Variants in ARHGEF33 observed in about 807,000 individuals in gnomAD.
ARHGEF33 encodes the protein DH and coiled-coil domain-containing protein ENSP00000381780.
Under a neutral mutation model 101.9 loss-of-function variants are expected in ARHGEF33, and 72 were observed. The ratio of observed to expected loss-of-function variants is 0.71; its 90% CI spans 0.58 to 0.86. The LOEUF (loss-of-function observed/expected upper bound fraction) is 0.86, where lower values mean the gene tolerates loss of function less well. ARHGEF33 is among the 40% of genes least tolerant of loss of function. ARHGEF33 has a pLI of 0.00. For synonymous variants in ARHGEF33, 499 were observed against 442.5 expected, an observed-to-expected ratio of 1.13 and a Z score of -1.60; for missense variants, 1,169 against 1,111.3, an observed-to-expected ratio of 1.05 and a Z score of -0.74.
rs931872206 is a variant in ARHGEF33, at chr2:38,907,286, G to A, written c.-86+11437G>A. Among the ~76,000 whole-genome samples, 5 of 152,254 alleles carry A rather than the reference G, an allele frequency of 3.3e-5. No homozygotes were observed. The South Asian group carries it at 1.0e-3, about 32-fold the overall frequency. ...TGACTATGATTTCCAACTTTTGAAGGCTTTGCTCACTGGGAGTCTTTGTTC... is the reference window on the plus strand; with the variant it reads ...TGACTATGATTTCCAACTTTTGAAGACTTTGCTCACTGGGAGTCTTTGTTC... On this transcript the variant is annotated intron_variant, in intron 2 of 17. Coordinates refer to ENST00000409978, the MANE Select transcript of ARHGEF33 (RefSeq NM_001145451.5).
At chr2:38,935,548 AC>A (rs1667109524) in intron 7 of ARHGEF33, among the ~76,000 whole-genome samples, 1 of 152,166 alleles carries the variant, frequency 6.6e-6, no homozygotes, top group South Asian at 2.1e-4. Context: ...ACAAATACTA[AC>A]TTATTTATTT....
chr2:38,973,631 C>A, intron 17 of ARHGEF33, 83 bp from the exon 18 acceptor site: 1 of 1,357,090 alleles, frequency 7.4e-7, no homozygotes. Flanking sequence ...TTTACAAATG[C>A]AAAACAATTG....
intron 16 of ARHGEF33, among the ~76,000 whole-genome samples, chr2:38,965,674 C>G (rs1173071850): frequency 6.6e-6 from 1 of 152,214 alleles, no homozygotes. Flanking sequence ...AATTTATTCA[C>G]TCGTGGAGGA....
intron 2 of ARHGEF33, among the ~76,000 whole-genome samples, chr2:38,906,078 A>T (rs748004170): frequency 2.6e-5 from 4 of 151,260 alleles, no homozygotes; most frequent in Non-Finnish European, 5.9e-5. Flanking sequence ...ACATGGTGAA[A>T]CTCCACGTCT....
At chr2:38,899,958 G>T (rs544382677) in intron 2 of ARHGEF33, among the ~76,000 whole-genome samples, 14 of 152,228 alleles carry the variant, frequency 9.2e-5, no homozygotes, top group African/African-American at 2.6e-4. Context: ...GAAGGCTGGT[G>T]GGGGAGGACT....
chr2:38,937,600 C>G, intron 9 of ARHGEF33, 41 bp downstream of exon 9: 1 of 1,155,490 alleles, frequency 8.7e-7, no homozygotes, highest in South Asian at 1.4e-5. Flanking sequence ...GTTTAAAGAA[C>G]AGGATGTACC....
At chr2:38,943,368 G>T (rs1187935587) in intron 9 of ARHGEF33, among the ~76,000 whole-genome samples, 1 of 152,190 alleles carries the variant, frequency 6.6e-6, no homozygotes, top group Non-Finnish European at 1.5e-5. Context: ...GGGGAAGAAG[G>T]CTGAGGGAAG....
intron 2 of ARHGEF33, among the ~76,000 whole-genome samples, chr2:38,914,891 T>A (rs1342650785): frequency 6.6e-6 from 1 of 152,118 alleles, no homozygotes; most frequent in East Asian, 1.9e-4. Context: ...GGAGGAACAC[T>A]TTTACCTCTG....
Position 38,939,069 on chromosome 2 carries a change from C to G in ARHGEF33, c.790+1510C>G, listed in dbSNP as rs780056909. Among the ~76,000 whole-genome samples the G allele has an allele frequency of 4.5e-4, 68 of 152,120 alleles. 1 individual carries two copies. The highest frequency in any genetic ancestry group is 8.2e-4 in the Non-Finnish European group (56 of 68,026). ...CTCCCTGCAACATCTGCCTCCCAGGCTCAAGTGATTCTCCTGCTTCAGCCT... is the reference window on the plus strand; with the variant it reads ...CTCCCTGCAACATCTGCCTCCCAGGGTCAAGTGATTCTCCTGCTTCAGCCT... On this transcript the variant is annotated intron_variant, in intron 9 of 17. Coordinates refer to ENST00000409978, the MANE Select transcript of ARHGEF33 (RefSeq NM_001145451.5).
chr2:38,910,402 C>T (rs943901258), intron 2 of ARHGEF33, among the ~76,000 whole-genome samples: 6 of 152,134 alleles, frequency 3.9e-5, no homozygotes, highest in African/African-American at 1.4e-4. Context: ...GAAACCCCGT[C>T]TCTACTAAAA....
At chr2:38,948,423 G>C (rs982440585) in intron 10 of ARHGEF33, among the ~76,000 whole-genome samples, 1 of 152,136 alleles carries the variant, frequency 6.6e-6, no homozygotes, top group African/African-American at 2.4e-5. Flanking sequence ...ATCTCAAACA[G>C]TCATCCCGGT....
At chr2:38,918,877 CAA>C (rs1181241601) in intron 2 of ARHGEF33, among the ~76,000 whole-genome samples, 3 of 51,244 alleles carry the variant, frequency 5.9e-5, no homozygotes, top group Non-Finnish European at 5.2e-5. Context: ...CCCATCTCTA[CAA>C]AAAAAAAAAA....
chr2:38,909,970 G>T (rs191411467), intron 2 of ARHGEF33, among the ~76,000 whole-genome samples: 15 of 151,760 alleles, frequency 9.9e-5, no homozygotes, highest in African/African-American at 3.6e-4. Context: ...TTTAGAATAC[G>T]TATAGTTATT....
chr2:38,932,447 T>A (rs2124386466), intron 7 of ARHGEF33, among the ~76,000 whole-genome samples: 1 of 152,270 alleles, frequency 6.6e-6, no homozygotes, highest in Non-Finnish European at 1.5e-5. Context: ...TTTTTATTTT[T>A]TTTTTACCTA....
At chr2:38,914,432 C>G (rs1666585156) in intron 2 of ARHGEF33, among the ~76,000 whole-genome samples, 4 of 152,126 alleles carry the variant, frequency 2.6e-5, no homozygotes, top group Admixed American at 2.6e-4. Flanking sequence ...CTTTGGGAGG[C>G]TGAGCCAAGC....
At chr2:38,952,592 C>G (rs1048682076) in intron 11 of ARHGEF33, among the ~76,000 whole-genome samples, 1 of 152,196 alleles carries the variant, frequency 6.6e-6, no homozygotes, top group Admixed American at 6.5e-5. Flanking sequence ...CATGAACCTC[C>G]CTCCTCCCTG....
At chr2:38,923,104 G>A (rs1666796818) in intron 4 of ARHGEF33, among the ~76,000 whole-genome samples, 1 of 152,124 alleles carries the variant, frequency 6.6e-6, no homozygotes, top group Non-Finnish European at 1.5e-5. Context: ...CTGAATGTTG[G>A]CTAAATATAG....
rs377736002 is a variant in ARHGEF33 at position 38,934,269 on chromosome 2, T to G, written c.506-1506T>G. Among the ~76,000 whole-genome samples, 298 of 152,316 alleles carry G rather than the reference T, an allele frequency of 2.0e-3. 1 individual carries two copies. The highest frequency in any genetic ancestry group is 3.7e-3 in the Non-Finnish European group (251 of 68,024). On this transcript the variant is annotated intron_variant, in intron 7 of 17. Coordinates refer to ENST00000409978, the MANE Select transcript of ARHGEF33 (RefSeq NM_001145451.5). ...TACTTTCTGGATGCTCCTTCTTAGA[T>G]TCTCTTTGATTCCTCATCACCCTCA... is the stretch of plus-strand genomic sequence containing the variant.
At chr2:38,913,366 A>G (rs1426375783) in intron 2 of ARHGEF33, among the ~76,000 whole-genome samples, 2 of 152,256 alleles carry the variant, frequency 1.3e-5, no homozygotes, top group Non-Finnish European at 2.9e-5. Flanking sequence ...CTTTTAAAGA[A>G]CTGATAATTC....
Sources: gnomAD v4.1 joint callset for allele counts (sites outside exome capture counted in the v4.1 genomes callset) on GRCh38, gnomAD v4.1.1 for gene constraint, MANE v1.5 for transcripts, NCBI Gene and HGNC (gene_info 2026-07-23, HGNC 2026-07-21) for gene names.